The following FAR2 variants were observed in gnomAD, a reference collection of about 807,000 sequenced individuals.
FAR2 encodes fatty acyl-CoA reductase 2, also known as epididymis secretory protein Li 81.
In FAR2, 19 loss-of-function variants were observed where a neutral mutation model predicts 56.0. The observed-to-expected ratio is 0.34, with a 90% CI of 0.24 to 0.50. The LOEUF is 0.50. Ranked by LOEUF, FAR2 falls within the 20% of genes least tolerant of loss-of-function variation. FAR2 has a pLI of 0.98. For synonymous variants in FAR2, 219 were observed against 218.8 expected (o/e 1.00, Z -0.01); for missense variants, 508 against 642.2 (o/e 0.79, Z 2.26).
At chr12:29,281,856 G>A (rs191769189) in intron 2 of FAR2, among the ~76,000 whole-genome samples, 91 of 151,984 alleles carry the variant, frequency 6.0e-4, no homozygotes, top group African/African-American at 2.0e-3. Context: ...GGCAACACAC[G>A]GAAAAGTTAA....
At chr12:29,320,970 G>A (rs1004862232) in intron 9 of FAR2, among the ~76,000 whole-genome samples, 15 of 152,052 alleles carry the variant, frequency 9.9e-5, no homozygotes, top group Admixed American at 3.9e-4. Flanking sequence ...TTAAGCTTAT[G>A]TTACTCATTT....
At chr12:29,313,657 T>C (rs1283988095) in intron 8 of FAR2, among the ~76,000 whole-genome samples, 1 of 152,168 alleles carries the variant, frequency 6.6e-6, no homozygotes, top group Admixed American at 6.5e-5. Context: ...TATATTTGTC[T>C]CTTTTTCTAA....
intron 10 of FAR2, among the ~76,000 whole-genome samples, chr12:29,326,718 ACT>A (rs2136822708): frequency 6.6e-6 from 1 of 152,180 alleles, no homozygotes; most frequent in African/African-American, 2.4e-5. Context: ...CATGCTAAAA[ACT>A]CTCAATAAAT....
intron 1 of FAR2, among the ~76,000 whole-genome samples, chr12:29,163,669 G>T (rs1949800938): frequency 6.6e-6 from 1 of 152,226 alleles, no homozygotes; most frequent in South Asian, 2.1e-4. Flanking sequence ...TAGATTTCCA[G>T]CTGAGTGACT....
intron 1 of FAR2, among the ~76,000 whole-genome samples, chr12:29,188,864 G>A (rs766544405): frequency 6.6e-6 from 1 of 151,030 alleles, no homozygotes; most frequent in Non-Finnish European, 1.5e-5. Flanking sequence ...TTTATCTGAT[G>A]TTTTCCCCTC....
rs1425149891 is a variant in FAR2 at position 29,187,043 on chromosome 12, C to G, written c.-39+37636C>G. ...GGCCTCGTGATCCGCCCACCTCGGC[C>G]TCCCAAAGTGCTGGGATTACAGGTG... On this transcript the variant is annotated intron_variant, in intron 1 of 11. Coordinates refer to ENST00000536681, the MANE Select transcript of FAR2 (RefSeq NM_001271783.2). 5.3e-5 allele frequency among the ~76,000 whole-genome samples: 8 copies of G among 152,238 alleles called. 1 individual carries two copies. The South Asian group carries it at 1.7e-3, about 32-fold the overall frequency.
chr12:29,301,871 A>G (rs76875481), intron 4 of FAR2: 4,812 of 152,288 alleles, frequency 0.032, 102 homozygotes, highest in South Asian at 0.07. Context: ...ATTTTTATCC[A>G]TGGCCACTTG....
intron 1 of FAR2, among the ~76,000 whole-genome samples, chr12:29,262,995 G>T (rs1398394540): frequency 1.3e-5 from 2 of 152,092 alleles, no homozygotes; most frequent in African/African-American, 4.8e-5. Context: ...AACACTTATA[G>T]CTATATTTAT....
At position 29,314,328 on chromosome 12, in the gene FAR2, C is replaced by A. The variant is rs528859610; in HGVS notation, c.955+2378C>A. On this transcript the variant is annotated intron_variant, in intron 8 of 11. Coordinates refer to ENST00000536681, the MANE Select transcript of FAR2 (RefSeq NM_001271783.2). ...ATACATCACTAAACAGAAATCCATGCCCACACAGATGTTATATGCTGGTAT... is the reference window on the plus strand; with the variant it reads ...ATACATCACTAAACAGAAATCCATGACCACACAGATGTTATATGCTGGTAT... Among the ~76,000 whole-genome samples the A allele has an allele frequency of 3.3e-5, 5 of 152,182 alleles. No homozygotes were observed. The South Asian group carries it at 1.0e-3, about 32-fold the overall frequency.
At chr12:29,237,382 G>A (rs572389949) in intron 1 of FAR2, among the ~76,000 whole-genome samples, 13 of 152,102 alleles carry the variant, frequency 8.5e-5, no homozygotes, top group Admixed American at 2.0e-4. Context: ...TTGGGACAGC[G>A]GTAATTGTAT....
At chr12:29,192,686 T>A (rs945397939) in intron 1 of FAR2, among the ~76,000 whole-genome samples, 1 of 152,236 alleles carries the variant, frequency 6.6e-6, no homozygotes, top group South Asian at 2.1e-4. Flanking sequence ...TGATATTTGT[T>A]ATATGTTTAC....
At chr12:29,290,602 G>A (rs1267382465) in intron 2 of FAR2, among the ~76,000 whole-genome samples, 1 of 152,174 alleles carries the variant, frequency 6.6e-6, no homozygotes, top group African/African-American at 2.4e-5. Flanking sequence ...AGCCACCTAA[G>A]TGTCCATCAA....
intron 1 of FAR2, among the ~76,000 whole-genome samples, chr12:29,173,757 AC>A (rs550556512): frequency 3.3e-5 from 5 of 150,796 alleles, no homozygotes; most frequent in Admixed American, 1.3e-4. Context: ...GTTTCCCCAC[AC>A]CCCCCCTACC....
At chr12:29,241,692 A>G (rs1232597747) in intron 1 of FAR2, among the ~76,000 whole-genome samples, 2 of 152,212 alleles carry the variant, frequency 1.3e-5, no homozygotes, top group Admixed American at 6.5e-5. Context: ...CCAGATCAAT[A>G]TTTGAAATAA....
At chr12:29,165,499 T>C (rs978891963) in intron 1 of FAR2, among the ~76,000 whole-genome samples, 3 of 152,224 alleles carry the variant, frequency 2.0e-5, no homozygotes, top group Non-Finnish European at 4.4e-5. Flanking sequence ...ATTGAAAGCA[T>C]AATTTTGGTT....
chr12:29,180,737 C>G (rs1949983917), intron 1 of FAR2, among the ~76,000 whole-genome samples: 1 of 151,190 alleles, frequency 6.6e-6, no homozygotes, highest in African/African-American at 2.4e-5. Flanking sequence ...ATCTATCTAT[C>G]TATCTATCTA....
chr12:29,323,625 C>G (rs1949591420), intron 10 of FAR2, among the ~76,000 whole-genome samples: 1 of 152,162 alleles, frequency 6.6e-6, no homozygotes, highest in Admixed American at 6.5e-5. Flanking sequence ...CTGCTGATAC[C>G]CAGGCAAACA....
intron 1 of FAR2, among the ~76,000 whole-genome samples, chr12:29,191,256 C>A (rs1339742512): frequency 1.3e-5 from 2 of 152,246 alleles, no homozygotes; most frequent in South Asian, 2.1e-4. Flanking sequence ...TTTCTCCAGT[C>A]CTGTCTGCAT....
At chr12:29,217,467 G>A (rs952655872) in intron 1 of FAR2, among the ~76,000 whole-genome samples, 3 of 152,144 alleles carry the variant, frequency 2.0e-5, no homozygotes, top group Non-Finnish European at 4.4e-5. Flanking sequence ...AGCTGGAGGT[G>A]GGGTTAGAAA....
Sources: allele counts gnomAD v4.1 joint callset (sites outside exome capture counted in the v4.1 genomes callset), GRCh38; gene constraint gnomAD v4.1.1; transcripts MANE v1.5; gene names NCBI Gene and HGNC (gene_info 2026-07-23, HGNC 2026-07-21).